The following PRTG variants were observed in gnomAD, a reference collection of about 807,000 sequenced individuals.
PRTG encodes the protein immunoglobulin superfamily, DCC subclass, member 5.
In PRTG, 67 loss-of-function variants were observed where a neutral mutation model predicts 122.5. The observed-to-expected ratio is 0.55, with a 90% CI of 0.45 to 0.67. The LOEUF is 0.67. Among genes scored for constraint, PRTG ranks in the 30% least tolerant of loss-of-function variants. The probability of loss-of-function intolerance (pLI) is 0.00; values close to 1 mark genes in which losing one functional copy is unlikely to be tolerated. For synonymous variants in PRTG, 554 were observed against 501.1 expected (o/e 1.11, Z -1.41); for missense variants, 1,435 against 1,415.4 (o/e 1.01, Z -0.22).
rs139705657 is a variant in PRTG at position 55,617,064 on chromosome 15, A to C, written c.*2948T>G. ...ATTAGCCCCTTTGAAGTACAATACCATGAAGTAATACCACTATGAAAAATG... is the reference window on the plus strand; with the variant it reads ...ATTAGCCCCTTTGAAGTACAATACCCTGAAGTAATACCACTATGAAAAATG... On this transcript the variant is annotated 3_prime_UTR_variant, in exon 20 of 20. Coordinates refer to ENST00000389286, the MANE Select transcript of PRTG (RefSeq NM_173814.6). The C allele has an allele frequency of 1.3e-4, 20 of 152,320 alleles. No homozygotes were observed. The highest frequency in any genetic ancestry group is 4.8e-4 in the African/African-American group (20 of 41,590). 9.4% of individuals were successfully genotyped at this position (152,320 alleles called of 1,614,324 possible).
Position 55,626,993 on chromosome 15 carries a change from G to T in PRTG, c.2927+15C>A. On this transcript the variant is annotated intron_variant, in intron 17 of 19. Transcript: ENST00000389286. ...AATGTTTTTCACCTCAACATCTCTAGCAATGGAAACACACCTGGCTTTACT... is the reference window on the plus strand; with the variant it reads ...AATGTTTTTCACCTCAACATCTCTATCAATGGAAACACACCTGGCTTTACT... 1 of 1,591,212 alleles carries T rather than the reference G, an allele frequency of 6.3e-7. No individual in the cohort carries two copies. Among genetic ancestry groups the T allele is most frequent in the Non-Finnish European group, 8.5e-7 (1 of 1,171,478 alleles).
intron 11 of PRTG, among the ~76,000 whole-genome samples, chr15:55,667,372 A>AT (rs779943273): frequency 3.3e-5 from 5 of 151,704 alleles, no homozygotes; most frequent in Non-Finnish European, 7.4e-5. Flanking sequence ...TAGTAGCAGG[A>AT]TTTTTTTTAG....
Position 55,656,437 on chromosome 15 carries a change from A to G in PRTG, c.2042-15229T>C, listed in dbSNP as rs182776468. 8.3e-4 allele frequency: 357 copies of G among 429,956 alleles called. 6 individuals are homozygous for G. The highest frequency in any genetic ancestry group is 3.5e-3 in the South Asian group (200 of 57,800). 26.6% of individuals were successfully genotyped at this position (429,956 alleles called of 1,614,324 possible). A position where few individuals can be genotyped will look rare whatever the true frequency, so the allele number is the denominator to read the frequency against. On this transcript the variant is annotated intron_variant, in intron 11 of 19. Transcript: ENST00000389286. ...CTTTATAAAGGAAAATAAAAAATCT[A>G]TAATCTATAATCTGTTAGGTTGCTT... is the stretch of plus-strand genomic sequence containing the variant.
chr15:55,722,240 A>G (rs1324569185), intron 2 of PRTG, among the ~76,000 whole-genome samples: 4 of 152,238 alleles, frequency 2.6e-5, no homozygotes, highest in African/African-American at 9.6e-5. Context: ...ACCACCACAT[A>G]AGCAACTCCA....
intron 11 of PRTG, among the ~76,000 whole-genome samples, chr15:55,643,863 G>T (rs1453207455): frequency 6.7e-6 from 1 of 150,262 alleles, no homozygotes; most frequent in Admixed American, 6.6e-5. Context: ...TAATAATAAT[G>T]ATTTTTTTTT....
intron 8 of PRTG, among the ~76,000 whole-genome samples, chr15:55,676,490 A>G (rs1182575845): frequency 6.6e-6 from 1 of 152,158 alleles, no homozygotes; most frequent in Non-Finnish European, 1.5e-5. Context: ...TTCTCCCCAC[A>G]CTGGATTTAT....
At chr15:55,683,459 C>G (rs1271256503) in intron 3 of PRTG, among the ~76,000 whole-genome samples, 13 of 152,100 alleles carry the variant, frequency 8.5e-5, no homozygotes. Flanking sequence ...ACCCTTACAC[C>G]AACACTGCCC....
chr15:55,642,106 G>A (rs1475946408), intron 11 of PRTG, among the ~76,000 whole-genome samples: 2 of 146,926 alleles, frequency 1.4e-5, no homozygotes, highest in African/African-American at 2.6e-5. Context: ...CCCGGGAAGC[G>A]GAGCTTGCAG....
intron 2 of PRTG, among the ~76,000 whole-genome samples, chr15:55,733,445 G>A (rs2031304494): frequency 6.6e-6 from 1 of 151,454 alleles, no homozygotes. Flanking sequence ...CACAGGCGGA[G>A]GTTGTGGTGA....
chr15:55,667,218 A>C (rs548389862), intron 11 of PRTG, among the ~76,000 whole-genome samples: 38 of 152,238 alleles, frequency 2.5e-4, no homozygotes, highest in African/African-American at 8.7e-4. Flanking sequence ...AAAAAAAAAA[A>C]AAAACAGATA....
chr15:55,662,016 A>G (rs1297399375), intron 11 of PRTG, among the ~76,000 whole-genome samples: 1 of 152,210 alleles, frequency 6.6e-6, no homozygotes, highest in Non-Finnish European at 1.5e-5. Context: ...GGTGATAACT[A>G]TTCAATGCTA....
chr15:55,706,287 G>A (rs1405305066), intron 2 of PRTG, among the ~76,000 whole-genome samples: 1 of 151,882 alleles, frequency 6.6e-6, no homozygotes, highest in East Asian at 1.9e-4. Flanking sequence ...TGAGAGTTGG[G>A]GATGGCATCA....
At chr15:55,690,634 T>C (rs1029035736) in intron 2 of PRTG, among the ~76,000 whole-genome samples, 1 of 152,100 alleles carries the variant, frequency 6.6e-6, no homozygotes, top group East Asian at 1.9e-4. Flanking sequence ...ACCGGCGTAA[T>C]GCAAATATTA....
intron 1 of PRTG, chr15:55,742,258 C>A (rs1437083259): frequency 6.6e-6 from 1 of 152,396 alleles, no homozygotes; most frequent in Non-Finnish European, 1.5e-5. Context: ...ACCCTCCCAT[C>A]TCCTCCTGGC....
chr15:55,679,278 C>T lies in PRTG; in HGVS notation c.1133+8G>A, dbSNP rs1158098910. 1.9e-6 allele frequency: 3 copies of T among 1,596,416 alleles called. No individual in the cohort carries two copies. Among genetic ancestry groups the T allele is most frequent in the Admixed American group, 1.7e-5 (1 of 59,466 alleles). ...TATATAAAATGGTAGCAAAGTTACA[C>T]AGCCTACCTGTTGTACATTTTAATT... On this transcript the variant is annotated splice_region_variant and intron_variant, in intron 7 of 19. Coordinates refer to ENST00000389286, the MANE Select transcript of PRTG (RefSeq NM_173814.6).
At chr15:55,652,267 A>C (rs1030479934) in intron 11 of PRTG, among the ~76,000 whole-genome samples, 5 of 152,190 alleles carry the variant, frequency 3.3e-5, no homozygotes, top group African/African-American at 1.2e-4. Flanking sequence ...GATATGCCTA[A>C]TGTATATCCT....
At chr15:55,720,813 A>T (rs1293072653) in intron 2 of PRTG, among the ~76,000 whole-genome samples, 4 of 152,172 alleles carry the variant, frequency 2.6e-5, no homozygotes, top group Non-Finnish European at 4.4e-5. Context: ...AAAAAGAAAA[A>T]ATCTCATAAT....
chr15:55,671,792 C>A (rs569875037), intron 11 of PRTG, among the ~76,000 whole-genome samples: 2 of 152,168 alleles, frequency 1.3e-5, no homozygotes, highest in Admixed American at 6.5e-5. Flanking sequence ...TGAGCCACCA[C>A]GCCTGGCCCA....
chr15:55,659,058 G>A (rs2059395454), intron 11 of PRTG, among the ~76,000 whole-genome samples: 1 of 152,180 alleles, frequency 6.6e-6, no homozygotes. Flanking sequence ...ACACTCAGCT[G>A]AGGCAGCTGC....
Sources: allele counts gnomAD v4.1 joint callset (sites outside exome capture counted in the v4.1 genomes callset), GRCh38; gene constraint gnomAD v4.1.1; transcripts MANE v1.5; gene names NCBI Gene and HGNC (gene_info 2026-07-23, HGNC 2026-07-21).